PLBD1: variants seen among roughly 807,000 people sequenced by gnomAD.
The protein encoded by PLBD1 is lysosomal leucine aminopeptidase.
A neutral mutation model predicts 63.0 loss-of-function variants in PLBD1; 60 were observed. The observed-to-expected ratio is 0.95, with a 90% confidence interval of 0.77 to 1.18. The LOEUF is 1.18. PLBD1 is among the 50% of genes most tolerant of loss of function. PLBD1 has a pLI of 0.00. For synonymous variants in PLBD1, 262 were observed against 248.0 expected (o/e 1.06, Z -0.53); for missense variants, 598 against 677.9 (o/e 0.88, Z 1.31).
At chr12:14,542,128 C>CA (rs1356328758) in intron 3 of PLBD1, 80 bp downstream of exon 3, 2 of 1,258,110 alleles carry the variant, frequency 1.6e-6, no homozygotes, top group African/African-American at 3.0e-5. Context: ...AAGAAATTGG[C>CA]AAAAAATTGC....
chr12:14,510,356 C>T (rs774820764), intron 8 of PLBD1, among the ~76,000 whole-genome samples: 1 of 152,076 alleles, frequency 6.6e-6, no homozygotes, highest in Non-Finnish European at 1.5e-5. Flanking sequence ...ATCGCACCAC[C>T]GTACTCCAGC....
chr12:14,547,299 C>G (rs11056020), intron 2 of PLBD1, among the ~76,000 whole-genome samples: 47,221 of 151,630 alleles, frequency 0.31, 8,452 homozygotes, highest in East Asian at 0.58. Flanking sequence ...GTGGGGGCCT[C>G]AGCCAGTCCT....
chr12:14,541,423 G>C (rs1350817119), intron 3 of PLBD1, among the ~76,000 whole-genome samples: 1 of 152,172 alleles, frequency 6.6e-6, no homozygotes, highest in East Asian at 1.9e-4. Flanking sequence ...CTCTGTCCTA[G>C]CATGGTAGCA....
intron 4 of PLBD1, among the ~76,000 whole-genome samples, chr12:14,538,383 G>A (rs1227967165): frequency 6.6e-6 from 1 of 151,858 alleles, no homozygotes; most frequent in African/African-American, 2.4e-5. Context: ...TTGTAGAGAT[G>A]GGGTTTCACC....
At chr12:14,530,291 A>G (rs1352208074) in intron 6 of PLBD1, 1 of 152,190 alleles carries the variant, frequency 6.6e-6, no homozygotes, top group Non-Finnish European at 1.5e-5. Flanking sequence ...GCTATCAGAG[A>G]TTTTAGCCCC....
intron 6 of PLBD1, among the ~76,000 whole-genome samples, chr12:14,523,604 C>T (rs948755975): frequency 6.6e-6 from 1 of 152,122 alleles, no homozygotes; most frequent in African/African-American, 2.4e-5. Context: ...ATAACCAAAA[C>T]AGCATAGTAC....
intron 1 of PLBD1, among the ~76,000 whole-genome samples, chr12:14,557,725 T>C (rs1945716717): frequency 6.6e-6 from 1 of 152,104 alleles, no homozygotes; most frequent in South Asian, 2.1e-4. Context: ...AAATAACTAA[T>C]GGGTACTAAG....
intron 6 of PLBD1, among the ~76,000 whole-genome samples, chr12:14,532,414 G>A (rs185052227): frequency 3.9e-5 from 6 of 152,266 alleles, no homozygotes; most frequent in South Asian, 4.1e-4. Flanking sequence ...TCGCTTTACC[G>A]TCCTCCCCTG....
rs375478673 is a variant in PLBD1, at chr12:14,535,654, T to A, written c.844+5A>T. The A allele has an allele frequency of 3.1e-6, 5 of 1,613,734 alleles. No homozygotes were observed. In the African/African-American group the frequency reaches 6.7e-5, roughly 22 times the overall value. On this transcript the variant is annotated splice_donor_5th_base_variant and intron_variant, in intron 6 of 10. Coordinates refer to ENST00000240617, the MANE Select transcript of PLBD1 (RefSeq NM_024829.6). Reference sequence around the variant, plus strand: ...GTGCTCAGATGTTCCTTTAAATTCATTTACCTGGGTAACTGCTGAAAGAGA... The same window carrying A: ...GTGCTCAGATGTTCCTTTAAATTCAATTACCTGGGTAACTGCTGAAAGAGA...
At chr12:14,525,502 T>C (rs1429284911) in intron 6 of PLBD1, among the ~76,000 whole-genome samples, 2 of 151,922 alleles carry the variant, frequency 1.3e-5, no homozygotes, top group African/African-American at 2.4e-5. Context: ...CTATAACTGG[T>C]GAAAAACCCT....
intron 1 of PLBD1, among the ~76,000 whole-genome samples, chr12:14,565,819 C>G (rs1288115429): frequency 6.6e-6 from 1 of 152,128 alleles, no homozygotes; most frequent in Non-Finnish European, 1.5e-5. Flanking sequence ...TCCTTAACAC[C>G]TAGGTAAGTA....
At chr12:14,540,223 G>GTTATATAT (rs1945561026) in intron 4 of PLBD1, among the ~76,000 whole-genome samples, 1 of 147,312 alleles carries the variant, frequency 6.8e-6, no homozygotes, top group Non-Finnish European at 1.5e-5. Context: ...CCAAAAGACA[G>GTTATATAT]TTATATAATA....
chr12:14,506,047 G>T, intron 10 of PLBD1, 115 bp downstream of exon 10: 1 of 630,736 alleles, frequency 1.6e-6, no homozygotes. Flanking sequence ...GCTGATTCCT[G>T]GGTTGAGTTT....
chr12:14,540,019 TATATA>T (rs1565577532), intron 4 of PLBD1, among the ~76,000 whole-genome samples: 1,034 of 87,646 alleles, frequency 0.012, 63 homozygotes, highest in African/African-American at 0.027. Context: ...TGCACATATA[TATATA>T]TATATATATA....
At chr12:14,518,861 A>T (rs11056007) in intron 6 of PLBD1, among the ~76,000 whole-genome samples, 1 of 151,998 alleles carries the variant, frequency 6.6e-6, no homozygotes, top group Admixed American at 6.6e-5. Flanking sequence ...CCTGAAGGTT[A>T]GTAAAACCTT....
chr12:14,529,986 A>C (rs1339392071), intron 6 of PLBD1, among the ~76,000 whole-genome samples: 1 of 152,208 alleles, frequency 6.6e-6, no homozygotes, highest in Non-Finnish European at 1.5e-5. Context: ...CTTCTCTTTA[A>C]AAGGTGGATT....
intron 6 of PLBD1, among the ~76,000 whole-genome samples, chr12:14,528,264 G>A (rs1945432061): frequency 1.3e-5 from 2 of 152,050 alleles, no homozygotes; most frequent in Non-Finnish European, 2.9e-5. Flanking sequence ...ACTACACTCA[G>A]AAGTACTAGA....
At chr12:14,518,807 G>C (rs1945353916) in intron 6 of PLBD1, among the ~76,000 whole-genome samples, 3 of 152,080 alleles carry the variant, frequency 2.0e-5, no homozygotes, top group African/African-American at 7.2e-5. Context: ...AAGAAATTAT[G>C]CACAGGGTAC....
At chr12:14,519,563 G>A (rs1036488754) in intron 6 of PLBD1, among the ~76,000 whole-genome samples, 8 of 151,176 alleles carry the variant, frequency 5.3e-5, no homozygotes, top group African/African-American at 1.9e-4. Context: ...AGGTTGTGGT[G>A]AGCTGAGATC....
Sources: allele counts gnomAD v4.1 joint callset (sites outside exome capture counted in the v4.1 genomes callset), GRCh38; gene constraint gnomAD v4.1.1; transcripts MANE v1.5; gene names NCBI Gene and HGNC (gene_info 2026-07-23, HGNC 2026-07-21).